The following DLGAP2 variants were observed in gnomAD, a reference collection of about 807,000 sequenced individuals.
DLGAP2 encodes the protein disks large-associated protein 2.
In DLGAP2, 26 loss-of-function variants were observed where a neutral mutation model predicts 100.3. The observed-to-expected ratio is 0.26, with a 90% confidence interval of 0.19 to 0.36. The LOEUF is 0.36. Among genes scored for constraint, DLGAP2 ranks in the 10% least tolerant of loss-of-function variants. The pLI is 1.00. For synonymous variants in DLGAP2, 886 were observed against 630.1 expected (o/e 1.41, Z -6.08); for missense variants, 1,858 against 1,453.2 (o/e 1.28, Z -4.53).
chr8:1,470,507 T>A (rs1241417888), intron 3 of DLGAP2, among the ~76,000 whole-genome samples: 1 of 152,076 alleles, frequency 6.6e-6, no homozygotes, highest in African/African-American at 2.4e-5. Flanking sequence ...ACAGAATCGT[T>A]TAAATACAAC....
intron 2 of DLGAP2, among the ~76,000 whole-genome samples, chr8:1,109,509 T>A (rs33997392): frequency 0.21 from 418 of 1,952 alleles, 18 homozygotes; most frequent in Non-Finnish European, 0.28. Context: ...CTGTGAGGTG[T>A]GCATGGGTCT....
At position 1,322,101 on chromosome 8, in the gene DLGAP2, T is replaced by TA. The variant is rs201549209; in HGVS notation, c.106+63226dup. Reference sequence around the variant, plus strand: ...CCTAGATAACAGTGAACTAATGATTTAAAAAAAAGTCCCAACTTGATATTA... The same window carrying TA: ...CCTAGATAACAGTGAACTAATGATTTAAAAAAAAAGTCCCAACTTGATATTA... On this transcript the variant is annotated intron_variant, in intron 3 of 14. Coordinates refer to ENST00000637795, the MANE Select transcript of DLGAP2 (RefSeq NM_001346810.2). 1.8e-3 allele frequency among the ~76,000 whole-genome samples: 273 copies of TA among 152,156 alleles called. 3 individuals carry two copies. The highest frequency in any genetic ancestry group is 3.1e-3 in the Non-Finnish European group (209 of 67,984).
chr8:995,391 A>G (rs1800756234), intron 2 of DLGAP2, among the ~76,000 whole-genome samples: 1 of 152,208 alleles, frequency 6.6e-6, no homozygotes, highest in Non-Finnish European at 1.5e-5. Flanking sequence ...GTAATTAAAC[A>G]TTTTATTTCT....
At chr8:1,191,611 A>T (rs985737176) in intron 2 of DLGAP2, among the ~76,000 whole-genome samples, 1 of 152,110 alleles carries the variant, frequency 6.6e-6, no homozygotes, top group Non-Finnish European at 1.5e-5. Context: ...GGCAGCCACA[A>T]CGCGCCGTAT....
chr8:1,272,755 T>G (rs919376955), intron 3 of DLGAP2, among the ~76,000 whole-genome samples: 3 of 151,974 alleles, frequency 2.0e-5, no homozygotes, highest in Non-Finnish European at 4.4e-5. Flanking sequence ...GGACCACGGG[T>G]GACTCTTCCC....
intron 3 of DLGAP2, among the ~76,000 whole-genome samples, chr8:1,485,275 C>G (rs1799208982): frequency 6.6e-6 from 1 of 152,210 alleles, no homozygotes; most frequent in African/African-American, 2.4e-5. Context: ...CCACTCTACG[C>G]TGTAAAATGC....
intron 1 of DLGAP2, chr8:739,776 A>G: frequency 6.6e-6 from 1 of 152,178 alleles, no homozygotes; most frequent in East Asian, 1.9e-4. Flanking sequence ...TGACTTTTTC[A>G]TTGCTTGGAA....
intron 1 of DLGAP2, among the ~76,000 whole-genome samples, chr8:882,945 T>C (rs1481984812): frequency 6.6e-6 from 1 of 152,248 alleles, no homozygotes; most frequent in Admixed American, 6.5e-5. Flanking sequence ...CTACTCAGGA[T>C]TAATGTCAGA....
chr8:1,178,956 C>T (rs898477703), intron 2 of DLGAP2, among the ~76,000 whole-genome samples: 1 of 151,664 alleles, frequency 6.6e-6, no homozygotes, highest in African/African-American at 2.4e-5. Flanking sequence ...CCCACGCCGC[C>T]CTGGTCTCGT....
intron 3 of DLGAP2, among the ~76,000 whole-genome samples, chr8:1,435,042 A>G (rs59734313): frequency 0.024 from 3,604 of 152,214 alleles, 118 homozygotes; most frequent in African/African-American, 0.073. Context: ...CAACATTTCA[A>G]TGGTCACTTT....
intron 2 of DLGAP2, among the ~76,000 whole-genome samples, chr8:1,113,170 G>A (rs1463450410): frequency 6.6e-6 from 1 of 152,064 alleles, no homozygotes; most frequent in Admixed American, 6.6e-5. Context: ...GCTTATGATG[G>A]CCTTGGATAT....
At chr8:1,615,258 C>T (rs1797112830) in intron 6 of DLGAP2, among the ~76,000 whole-genome samples, 1 of 152,196 alleles carries the variant, frequency 6.6e-6, no homozygotes. Context: ...AAACCATCTG[C>T]AGCCTCCCCA....
chr8:1,329,093 G>A (rs567410226), intron 3 of DLGAP2, among the ~76,000 whole-genome samples: 15 of 152,350 alleles, frequency 9.8e-5, no homozygotes, highest in African/African-American at 3.6e-4. Flanking sequence ...AGCGACAAGC[G>A]ACGAGTGGGA....
At chr8:892,678 G>C (rs898985373) in intron 1 of DLGAP2, among the ~76,000 whole-genome samples, 1 of 152,198 alleles carries the variant, frequency 6.6e-6, no homozygotes, top group African/African-American at 2.4e-5. Context: ...GCACAGTTCC[G>C]TTTCTGCTGC....
At chr8:912,662 A>C (rs556329098) in intron 2 of DLGAP2, among the ~76,000 whole-genome samples, 6 of 138,528 alleles carry the variant, frequency 4.3e-5, no homozygotes, top group African/African-American at 1.6e-4. Context: ...CACAGTGTCC[A>C]TCTTCCTATC....
At chr8:1,374,515 A>C (rs879818616) in intron 3 of DLGAP2, among the ~76,000 whole-genome samples, 1 of 152,234 alleles carries the variant, frequency 6.6e-6, no homozygotes, top group Admixed American at 6.5e-5. Flanking sequence ...GTTCGCTCCA[A>C]TTTACTTAAC....
intron 2 of DLGAP2, among the ~76,000 whole-genome samples, chr8:1,181,375 C>G (rs1018546096): frequency 3.3e-5 from 5 of 152,148 alleles, no homozygotes; most frequent in African/African-American, 1.2e-4. Flanking sequence ...GTTTTCTGTC[C>G]CTGTGTTAGA....
chr8:1,271,980 T>C lies in DLGAP2; in HGVS notation c.106+13097T>C, dbSNP rs553055860. Among the ~76,000 whole-genome samples the C allele has an allele frequency of 5.9e-5, 9 of 152,024 alleles. 1 individual carries two copies. The East Asian group carries it at 1.7e-3, about 29-fold the overall frequency. On this transcript the variant is annotated intron_variant, in intron 3 of 14. Coordinates refer to ENST00000637795, the MANE Select transcript of DLGAP2 (RefSeq NM_001346810.2). ...TGTGTGCCAACACACCCAGCTAGTT[T>C]TTGGATTTTTTTTAGTAGAGATGGG...
intron 2 of DLGAP2, among the ~76,000 whole-genome samples, chr8:1,195,072 C>G (rs987275858): frequency 1.3e-5 from 2 of 152,266 alleles, no homozygotes; most frequent in Admixed American, 6.5e-5. Flanking sequence ...AGCATGAGTG[C>G]TCAAGCTCTT....
Sources: allele counts gnomAD v4.1 joint callset (sites outside exome capture counted in the v4.1 genomes callset), GRCh38; gene constraint gnomAD v4.1.1; transcripts MANE v1.5; gene names NCBI Gene and HGNC (gene_info 2026-07-23, HGNC 2026-07-21).